Variants in CHSY3 observed in about 807,000 individuals in gnomAD.
The protein encoded by CHSY3 is N-acetylgalactosaminyl-proteoglycan 3-beta-glucuronosyltransferase 3.
In CHSY3, 35 loss-of-function variants were observed where a neutral mutation model predicts 67.2. That is an observed-to-expected ratio of 0.52 (90% CI 0.40 to 0.69). The LOEUF (loss-of-function observed/expected upper bound fraction) is 0.69, where lower values mean the gene tolerates loss of function less well. CHSY3 is among the 30% of genes least tolerant of loss of function. CHSY3 has a pLI of 0.00. For synonymous variants in CHSY3, 474 were observed against 434.7 expected (o/e 1.09, Z -1.12); for missense variants, 1,069 against 1,138.5 (o/e 0.94, Z 0.88).
chr5:130,006,320 T>G (rs1305224346), intron 2 of CHSY3, among the ~76,000 whole-genome samples: 1 of 152,130 alleles, frequency 6.6e-6, no homozygotes, highest in Non-Finnish European at 1.5e-5. Flanking sequence ...GAGGATAGAC[T>G]ATGTAGTGTG....
chr5:130,111,935 C>A (rs1767601611), intron 2 of CHSY3, among the ~76,000 whole-genome samples: 3 of 152,082 alleles, frequency 2.0e-5, no homozygotes, highest in South Asian at 2.1e-4. Flanking sequence ...ACTCATTTAA[C>A]CCTCGTATCA....
At chr5:129,953,503 G>T (rs535518355) in intron 2 of CHSY3, among the ~76,000 whole-genome samples, 4 of 152,254 alleles carry the variant, frequency 2.6e-5, no homozygotes, top group African/African-American at 9.6e-5. Context: ...CCAAAAATGG[G>T]ATTGCTAGGT....
chr5:130,093,358 T>C (rs1205355638), intron 2 of CHSY3, among the ~76,000 whole-genome samples: 1 of 152,228 alleles, frequency 6.6e-6, no homozygotes, highest in Non-Finnish European at 1.5e-5. Context: ...TTAGTTTATT[T>C]GAATGATATA....
intron 2 of CHSY3, among the ~76,000 whole-genome samples, chr5:130,057,776 G>A (rs1765582817): frequency 6.6e-6 from 1 of 152,126 alleles, no homozygotes; most frequent in Non-Finnish European, 1.5e-5. Flanking sequence ...CCCAATTTGT[G>A]AAATTCAATA....
intron 2 of CHSY3, among the ~76,000 whole-genome samples, chr5:129,979,390 A>G (rs1348914816): frequency 1.3e-5 from 2 of 152,124 alleles, no homozygotes; most frequent in Non-Finnish European, 2.9e-5. Context: ...GTATGATATC[A>G]TAAAGTATTT....
Position 130,143,815 on chromosome 5 carries a change from T to C in CHSY3, c.1087-40414T>C, listed in dbSNP as rs1380485586. ...ATATATATATATATATGTGTGTATA[T>C]ATATATATATATATATATATATATA... On this transcript the variant is annotated intron_variant, in intron 2 of 2. Transcript: ENST00000305031. Among the ~76,000 whole-genome samples, 34 of 92,924 alleles carry C rather than the reference T, an allele frequency of 3.7e-4. 1 individual carries two copies. Among genetic ancestry groups the C allele is most frequent in the East Asian group, 3.3e-3 (11 of 3,354 alleles). 61.0% of individuals were successfully genotyped at this position (92,924 alleles called of 152,430 possible). A position where few individuals can be genotyped will look rare whatever the true frequency, so the allele number is the denominator to read the frequency against.
intron 2 of CHSY3, among the ~76,000 whole-genome samples, chr5:129,919,311 T>A (rs1318570251): frequency 6.6e-6 from 1 of 152,132 alleles, no homozygotes; most frequent in Non-Finnish European, 1.5e-5. Flanking sequence ...GGGATAAATG[T>A]GCAAATAGAT....
intron 2 of CHSY3, among the ~76,000 whole-genome samples, chr5:129,992,147 C>T (rs80285133): frequency 0.014 from 2,165 of 152,270 alleles, 32 homozygotes; most frequent in Non-Finnish European, 0.022. Context: ...TGTAAGGCAG[C>T]TTGCTGAAAC....
At chr5:129,973,286 C>T (rs1279055117) in intron 2 of CHSY3, among the ~76,000 whole-genome samples, 1 of 152,060 alleles carries the variant, frequency 6.6e-6, no homozygotes, top group Non-Finnish European at 1.5e-5. Flanking sequence ...AATTTAATTA[C>T]ACTTTTTATG....
rs535233532 is a variant in CHSY3, at chr5:129,905,308, G to T, written c.479G>T (p.Gly160Val). Reference sequence around the variant, plus strand: ...AGTAGCCACAACGGCAGCGGGGACGGGGGCGCTGCCGCCCCGAGCGCCCGA... The same window carrying T: ...AGTAGCCACAACGGCAGCGGGGACGTGGGCGCTGCCGCCCCGAGCGCCCGA... ...PGSSHNGSGD[G>V]GAAAPSARPR... The change falls in exon 1 of 3, where the codon GGG becomes GTG. Residue 160 changes from glycine (G) to valine (V), a missense_variant. Gly to Val is a moderately radical substitution (Grantham distance 109). Around this residue, in one of 5 missense-constraint regions of CHSY3, gnomAD observed 309 missense variants for 262.5 expected, o/e 1.18. Transcript: ENST00000305031. 49 of 1,504,120 alleles carry T rather than the reference G, an allele frequency of 3.3e-5. No homozygotes were observed. Among genetic ancestry groups the T allele is most frequent in the Non-Finnish European group, 4.3e-5 (49 of 1,131,618 alleles). 93.2% of individuals were successfully genotyped at this position (1,504,120 alleles called of 1,614,324 possible).
chr5:130,169,191 TCTC>T (rs1313679920), intron 2 of CHSY3, among the ~76,000 whole-genome samples: 1 of 152,094 alleles, frequency 6.6e-6, no homozygotes, highest in East Asian at 1.9e-4. Context: ...TGAACTATGT[TCTC>T]CTCTGTACCT....
intron 2 of CHSY3, 114 bp downstream of exon 2, chr5:129,908,474 A>G: frequency 7.0e-7 from 1 of 1,437,894 alleles, no homozygotes; most frequent in Non-Finnish European, 9.3e-7. Flanking sequence ...CTTGAAAGTG[A>G]TAGTAGCAGC....
At chr5:130,123,363 T>C (rs551965669) in intron 2 of CHSY3, among the ~76,000 whole-genome samples, 2 of 152,180 alleles carry the variant, frequency 1.3e-5, no homozygotes, top group Non-Finnish European at 2.9e-5. Context: ...TAGAAGATAG[T>C]CTTTCCATGG....
At chr5:130,165,065 A>G (rs1487377920) in intron 2 of CHSY3, among the ~76,000 whole-genome samples, 2 of 152,206 alleles carry the variant, frequency 1.3e-5, no homozygotes, top group African/African-American at 2.4e-5. Flanking sequence ...GGACCAGACC[A>G]TAAGAGCTTT....
chr5:129,919,607 T>G (rs1760850995), intron 2 of CHSY3, among the ~76,000 whole-genome samples: 1 of 152,112 alleles, frequency 6.6e-6, no homozygotes, highest in Admixed American at 6.5e-5. Context: ...CATCAGATCT[T>G]GTGAGACTTA....
Position 130,168,287 on chromosome 5 carries a change from G to T in CHSY3, c.1087-15942G>T, listed in dbSNP as rs1478390079. Among the ~76,000 whole-genome samples, 3 of 152,124 alleles carry T rather than the reference G, an allele frequency of 2.0e-5. No individual in the cohort carries two copies. In the East Asian group the frequency reaches 5.8e-4, roughly 29 times the overall value. Reference sequence around the variant, plus strand: ...GCAGAAATTATTAATGTGATGGAGTGCAGCCTGACTTAGAATCAGTTTAGA... The same window carrying T: ...GCAGAAATTATTAATGTGATGGAGTTCAGCCTGACTTAGAATCAGTTTAGA... On this transcript the variant is annotated intron_variant, in intron 2 of 2. Coordinates refer to ENST00000305031, the MANE Select transcript of CHSY3 (RefSeq NM_175856.5).
chr5:130,060,778 G>A (rs1580695377), intron 2 of CHSY3, among the ~76,000 whole-genome samples: 2 of 152,060 alleles, frequency 1.3e-5, no homozygotes, highest in East Asian at 1.9e-4. Flanking sequence ...CATTCAAGTT[G>A]AGAGCAAAAT....
rs397945420 is a variant in CHSY3, at chr5:130,126,293, TA to T, written c.1087-57925del. ...TGATTATTGGTTACATAGGCTGAGT[TA>T]AAAAAAAAAAGGTAGGTCTTAGGCT... On this transcript the variant is annotated intron_variant, in intron 2 of 2. Coordinates refer to ENST00000305031, the MANE Select transcript of CHSY3 (RefSeq NM_175856.5). Among the ~76,000 whole-genome samples, 929 of 146,320 alleles carry T rather than the reference TA, an allele frequency of 6.3e-3. 24 individuals are homozygous for T. Among genetic ancestry groups the T allele is most frequent in the East Asian group, 6.2e-3 (31 of 5,034 alleles).
chr5:129,969,427 A>G (rs1762571782), intron 2 of CHSY3, among the ~76,000 whole-genome samples: 1 of 151,906 alleles, frequency 6.6e-6, no homozygotes, highest in Non-Finnish European at 1.5e-5. Flanking sequence ...ATTTTCTTCA[A>G]CTAAACATTA....
Sources: allele counts gnomAD v4.1 joint callset (sites outside exome capture counted in the v4.1 genomes callset), GRCh38; gene constraint gnomAD v4.1.1; regional missense constraint gnomAD v4.1.1; transcripts MANE v1.5; gene names NCBI Gene and HGNC (gene_info 2026-07-23, HGNC 2026-07-21).